Variants in TAFA3 observed in about 807,000 individuals in gnomAD.
The protein encoded by TAFA3 is TAFA chemokine like family member 3, also known as chemokine-like protein TAFA-3.
Under a neutral mutation model 20.7 loss-of-function variants are expected in TAFA3, and 17 were observed. The observed-to-expected ratio is 0.82, with a 90% confidence interval of 0.56 to 1.23. The LOEUF is 1.23. Ranked by LOEUF, TAFA3 falls within the 50% of genes most tolerant of loss-of-function variation. The pLI is 0.00. For synonymous variants in TAFA3, 74 were observed against 71.8 expected (o/e 1.03, Z -0.16); for missense variants, 174 against 172.8 (o/e 1.01, Z -0.04).
At position 112,724,061 on chromosome 1, in the gene TAFA3, C is replaced by G; in HGVS notation, c.314C>G (p.Pro105Arg). Residue 105 changes from proline to arginine, a missense_variant, in exon 5 of 6, where the codon CCG becomes CGG. Pro to Arg is a moderately radical substitution (Grantham distance 103, BLOSUM62 -2). Coordinates refer to ENST00000361886, the MANE Select transcript of TAFA3 (RefSeq NM_182759.3). ...RWWCQMEPCLPGEECKVLPDL... is the reference protein window; with the variant it reads ...RWWCQMEPCLRGEECKVLPDL... ...TGGTGTCAGATGGAGCCCTGCCTGC[C>G]GGGGGAGGAGTGTAAGGTGCTCCCG... The G allele has an allele frequency of 6.2e-7, 1 of 1,613,746 alleles. No homozygotes were observed. The highest frequency in any genetic ancestry group is 8.5e-7 in the Non-Finnish European group (1 of 1,179,960).
chr1:112,724,765 C>T (rs1227275184), intron 5 of TAFA3, among the ~76,000 whole-genome samples: 1 of 111,192 alleles, frequency 9.0e-6, no homozygotes, highest in Non-Finnish European at 1.8e-5. Flanking sequence ...GCACATGTAC[C>T]CTAAAACGTA....
intron 5 of TAFA3, among the ~76,000 whole-genome samples, chr1:112,726,283 G>A (rs1341958947): frequency 1.3e-5 from 2 of 152,336 alleles, no homozygotes; most frequent in African/African-American, 2.4e-5. Context: ...TCTCTATCCG[G>A]AGGCAGGGAT....
In TAFA3 at chr1:112,724,050, G is replaced by A; in HGVS notation, c.303G>A (p.Glu101=). The A allele has an allele frequency of 1.9e-6, 3 of 1,613,898 alleles. No homozygotes were observed. Among genetic ancestry groups the A allele is most frequent in the Non-Finnish European group, 2.5e-6 (3 of 1,179,976 alleles). The change falls in exon 5 of 6, where the codon GAG becomes GAA. Residue 101 remains glutamate, a synonymous_variant. Transcript: ENST00000361886. ...TGCAGAGATGGTGGTGTCAGATGGA[G>A]CCCTGCCTGCCGGGGGAGGAGTGTA... ...IVLQRWWCQM[E]PCLPGEECKV...
intron 5 of TAFA3, among the ~76,000 whole-genome samples, 160 bp from the exon 6 acceptor site, chr1:112,726,469 A>G (rs1446913772): frequency 2.0e-5 from 3 of 152,220 alleles, no homozygotes; most frequent in East Asian, 1.9e-4. Flanking sequence ...GTATGTTTGC[A>G]TGGGTCACCA....
chr1:112,724,176 C>T (rs772594940), intron 5 of TAFA3, 39 bp downstream of exon 5: 7 of 1,521,018 alleles, frequency 4.6e-6, no homozygotes. Flanking sequence ...CTCCCCTTCC[C>T]TCTCTACCAA....
rs1258813471 is a variant in TAFA3, at chr1:112,722,253, G to A, written c.20G>A (p.Arg7Gln). 6 of 1,614,006 alleles carry A rather than the reference G, an allele frequency of 3.7e-6. No individual in the cohort carries two copies. In the African/African-American group the frequency reaches 4.0e-5, roughly 11 times the overall value. Residue 7 changes from arginine (R) to glutamine (Q), a missense_variant, in exon 3 of 6, where the codon CGG becomes CAG. Coordinates refer to ENST00000361886, the MANE Select transcript of TAFA3 (RefSeq NM_182759.3). MSERVERNWSTGGWLLA... is the reference protein window; with the variant it reads MSERVEQNWSTGGWLLA... ...CGCAGGATGAGTGAGAGGGTCGAGC[G>A]GAACTGGAGCACGGGCGGCTGGCTG... is the stretch of plus-strand genomic sequence containing the variant.
chr1:112,725,603 C>T (rs11102524), intron 5 of TAFA3, among the ~76,000 whole-genome samples: 64,823 of 150,328 alleles, frequency 0.43, 14,055 homozygotes, highest in South Asian at 0.55. Context: ...TTTCTCTGTC[C>T]ACTGTCACAG....
At chr1:112,722,408 C>A in intron 3 of TAFA3, 60 bp downstream of exon 3, 1 of 1,402,068 alleles carries the variant, frequency 7.1e-7, no homozygotes, top group Non-Finnish European at 1.0e-6. Flanking sequence ...GGGAGCTGGA[C>A]ACCACTCCAC....
Position 112,723,029 on chromosome 1 carries a change from G to A in TAFA3, c.129G>A (p.Gln43=). 22 of 1,612,368 alleles carry A rather than the reference G, an allele frequency of 1.4e-5. No individual in the cohort carries two copies. The highest frequency in any genetic ancestry group is 1.8e-5 in the Non-Finnish European group (21 of 1,179,430). The change falls in exon 4 of 6, where the codon CAG becomes CAA. Residue 43 remains glutamine, a synonymous_variant. Transcript: ENST00000361886. The part of the protein sequence containing the change: ...QPPTATVLVQ[Q]GTCEVIAAHR... ...GGCTCCCCTCAGTGCTTGTGCAGCA[G>A]GGCACCTGCGAGGTGATTGCGGCTC...
intron 4 of TAFA3, chr1:112,723,802 T>C: frequency 1.2e-6 from 1 of 846,748 alleles, no homozygotes; most frequent in South Asian, 1.7e-5. Flanking sequence ...GATGCAGGGA[T>C]CGGTGGGATT....
In TAFA3 at chr1:112,726,281, C is replaced by T. The variant is rs113938948; in HGVS notation, c.391-348C>T. On this transcript the variant is annotated intron_variant, in intron 5 of 5. Transcript: ENST00000361886. The stretch of plus-strand genomic sequence containing the variant: ...TAAAGTAGAGCATCCTCTCTCTATC[C>T]GGAGGCAGGGATGAGGGACAGCCAT... 6.9e-3 allele frequency among the ~76,000 whole-genome samples: 1,051 copies of T among 152,272 alleles called. 12 individuals are homozygous for T. Among genetic ancestry groups the T allele is most frequent in the African/African-American group, 0.023 (969 of 41,540 alleles).
At chr1:112,723,857 C>T in intron 4 of TAFA3, 156 bp from the exon 5 acceptor site, 1 of 1,484,742 alleles carries the variant, frequency 6.7e-7, no homozygotes, top group South Asian at 1.2e-5. Flanking sequence ...TGAGTACTGC[C>T]TCTCTGGGCA....
intron 4 of TAFA3, 97 bp downstream of exon 4, chr1:112,723,262 G>C (rs1675374834): frequency 1.4e-6 from 2 of 1,430,904 alleles, no homozygotes; most frequent in East Asian, 2.5e-5. Flanking sequence ...TTTCATACCC[G>C]TCTCAGGGCT....
chr1:112,719,423 G>A (rs1021655633), intron 1 of TAFA3, among the ~76,000 whole-genome samples, 124 bp downstream of exon 1: 1 of 152,200 alleles, frequency 6.6e-6, no homozygotes, highest in Non-Finnish European at 1.5e-5. Context: ...CCCTTGTAAT[G>A]CAGGCTGCTA....
chr1:112,724,244 A>T, intron 5 of TAFA3, 107 bp downstream of exon 5: 2 of 1,044,562 alleles, frequency 1.9e-6, no homozygotes, highest in South Asian at 3.4e-5. Context: ...TCCCAAGGTG[A>T]GATCGTGAAC....
chr1:112,722,977 G>A (rs752347136), intron 3 of TAFA3, 39 bp from the exon 4 acceptor site: 2 of 1,576,250 alleles, frequency 1.3e-6, no homozygotes, highest in Non-Finnish European at 1.7e-6. Context: ...GAGCGGGGTC[G>A]GGCGTGTTGG....
At position 112,723,020 on chromosome 1, in the gene TAFA3, T is replaced by A; in HGVS notation, c.120T>A (p.Leu40=). 2 of 1,611,314 alleles carry A rather than the reference T, an allele frequency of 1.2e-6. No homozygotes were observed. Among genetic ancestry groups the A allele is most frequent in the Non-Finnish European group, 1.7e-6 (2 of 1,179,028 alleles). Residue 40 remains leucine, a synonymous_variant, in exon 4 of 6, where the codon CTT becomes CTA. Transcript: ENST00000361886. ...ATCCTGGGCGGCTCCCCTCAGTGCT[T>A]GTGCAGCAGGGCACCTGCGAGGTGA... The part of the protein sequence containing the change: ...AALQPPTATV[L]VQQGTCEVIA...
In TAFA3 at chr1:112,724,175, C is replaced by T. The variant is rs200903393; in HGVS notation, c.390+38C>T. 14 of 1,522,956 alleles carry T rather than the reference C, an allele frequency of 9.2e-6. No homozygotes were observed. In the African/African-American group the frequency reaches 1.8e-4, roughly 19 times the overall value. 94.3% of individuals were successfully genotyped at this position (1,522,956 alleles called of 1,614,324 possible). On this transcript the variant is annotated intron_variant, in intron 5 of 5. Transcript: ENST00000361886. ...GGCACCTCATCCCACCCTCCCCTTC[C>T]CTCTCTACCAAGGGCAGAAAAGGGG...
intron 3 of TAFA3, 45 bp downstream of exon 3, chr1:112,722,393 A>T: frequency 6.6e-7 from 1 of 1,525,196 alleles, no homozygotes; most frequent in Non-Finnish European, 9.0e-7. Flanking sequence ...TTCCCAGGAC[A>T]CCTGGGGAGC....
Sources: allele counts gnomAD v4.1 joint callset (sites outside exome capture counted in the v4.1 genomes callset), GRCh38; gene constraint gnomAD v4.1.1; transcripts MANE v1.5; gene names NCBI Gene and HGNC (gene_info 2026-07-23, HGNC 2026-07-21).